The following COL22A1 variants were observed in gnomAD, a reference collection of about 807,000 sequenced individuals.
COL22A1 encodes the protein collagen alpha-1(XXII) chain.
Under a neutral mutation model 248.9 loss-of-function variants are expected in COL22A1, and 221 were observed. The observed-to-expected ratio is 0.89, with a 90% CI of 0.80 to 0.99. The LOEUF is 0.99. Among genes scored for constraint, COL22A1 ranks in the 50% least tolerant of loss-of-function variants. The probability of loss-of-function intolerance (pLI) is 0.00; values close to 1 mark genes in which losing one functional copy is unlikely to be tolerated. For missense variants in COL22A1, 2,240 were observed against 2,179.0 expected (o/e 1.03, Z -0.56); for synonymous variants, 891 against 793.4 (o/e 1.12, Z -2.07).
chr8:138,661,053 C>CAT (rs1564159257), intron 43 of COL22A1, among the ~76,000 whole-genome samples: 5 of 146,072 alleles, frequency 3.4e-5, no homozygotes, highest in African/African-American at 5.1e-5. Context: ...CACACACACA[C>CAT]GCACACACAC....
intron 22 of COL22A1, among the ~76,000 whole-genome samples, chr8:138,750,884 G>T (rs1021292023): frequency 1.3e-5 from 2 of 152,186 alleles, no homozygotes; most frequent in African/African-American, 4.8e-5. Flanking sequence ...GGGGATAGGG[G>T]TACAACCCAA....
At chr8:138,752,090 C>T (rs907501351) in intron 21 of COL22A1, among the ~76,000 whole-genome samples, 4 of 152,190 alleles carry the variant, frequency 2.6e-5, no homozygotes, top group African/African-American at 9.7e-5. Context: ...TCACTTGGTG[C>T]CGTTAAACCT....
chr8:138,788,026 G>C (rs73362873), intron 12 of COL22A1, among the ~76,000 whole-genome samples: 77 of 152,332 alleles, frequency 5.1e-4, no homozygotes, highest in African/African-American at 1.7e-3. Flanking sequence ...TGCATTGCTA[G>C]AGGTGCTGTT....
At chr8:138,621,302 C>T (rs1160082481) in intron 52 of COL22A1, among the ~76,000 whole-genome samples, 1 of 152,152 alleles carries the variant, frequency 6.6e-6, no homozygotes, top group Non-Finnish European at 1.5e-5. Flanking sequence ...GAAGTCAATG[C>T]CTCCAGAAGC....
At chr8:138,781,404 G>C (rs958517433) in intron 12 of COL22A1, among the ~76,000 whole-genome samples, 1 of 152,184 alleles carries the variant, frequency 6.6e-6, no homozygotes, top group African/African-American at 2.4e-5. Context: ...GGGCTGAGCT[G>C]TGCACTGTAG....
intron 2 of COL22A1, among the ~76,000 whole-genome samples, chr8:138,879,859 A>C (rs939991595): frequency 1.3e-5 from 2 of 151,888 alleles, no homozygotes; most frequent in East Asian, 1.9e-4. Flanking sequence ...AAACAAAACA[A>C]AAAAACACTT....
intron 45 of COL22A1, among the ~76,000 whole-genome samples, chr8:138,655,577 G>C (rs114734721): frequency 0.015 from 2,342 of 152,186 alleles, 57 homozygotes; most frequent in African/African-American, 0.054. Context: ...ATGTTGCCCA[G>C]GTTGGTCTTA....
chr8:138,657,681 G>C (rs1013984679), intron 44 of COL22A1, among the ~76,000 whole-genome samples: 1 of 152,180 alleles, frequency 6.6e-6, no homozygotes, highest in Admixed American at 6.5e-5. Context: ...CCTTCTATGA[G>C]TCAGTCACTC....
At chr8:138,805,994 G>GCA (rs2131657988) in intron 10 of COL22A1, among the ~76,000 whole-genome samples, 1 of 128,624 alleles carries the variant, frequency 7.8e-6, no homozygotes, top group East Asian at 2.1e-4. Context: ...GTGTGTGATG[G>GCA]TGTGTGTGTG....
At chr8:138,600,075 C>T (rs1008731627) in intron 60 of COL22A1, among the ~76,000 whole-genome samples, 3 of 152,204 alleles carry the variant, frequency 2.0e-5, no homozygotes, top group African/African-American at 7.2e-5. Context: ...TCCAACACTG[C>T]CTAGGGCTCA....
intron 5 of COL22A1, chr8:138,827,383 C>G (rs1819674632): frequency 6.4e-6 from 1 of 155,464 alleles, no homozygotes; most frequent in Non-Finnish European, 1.4e-5. Flanking sequence ...TTGTTTACCC[C>G]TCCCACCATG....
At chr8:138,805,485 A>ATGGTGTG (rs1554631676) in intron 10 of COL22A1, among the ~76,000 whole-genome samples, 1 of 111,006 alleles carries the variant, frequency 9.0e-6, no homozygotes, top group African/African-American at 3.8e-5. Context: ...ATGGGATGGC[A>ATGGTGTG]TGTGATGGTG....
chr8:138,752,579 G>A (rs113734934), intron 21 of COL22A1, among the ~76,000 whole-genome samples: 1 of 152,290 alleles, frequency 6.6e-6, no homozygotes, highest in Non-Finnish European at 1.5e-5. Context: ...ATTTTTAAGC[G>A]TCAAGAAATA....
chr8:138,691,723 T>C (rs1229892450), intron 35 of COL22A1, among the ~76,000 whole-genome samples: 61 of 18,504 alleles, frequency 3.3e-3, no homozygotes, highest in East Asian at 9.0e-3. Flanking sequence ...TTTATGTGTG[T>C]ACATGTGAGT....
chr8:138,902,787 A>C (rs1015185973), intron 1 of COL22A1, among the ~76,000 whole-genome samples: 18 of 95,690 alleles, frequency 1.9e-4, no homozygotes, highest in African/African-American at 7.6e-4. Context: ...CACACACACT[A>C]GAACTGACTG....
intron 8 of COL22A1, among the ~76,000 whole-genome samples, chr8:138,812,646 C>T (rs969625545): frequency 6.6e-6 from 1 of 152,090 alleles, no homozygotes; most frequent in African/African-American, 2.4e-5. Flanking sequence ...CAGTCATCCC[C>T]TCATTAGAAA....
intron 52 of COL22A1, among the ~76,000 whole-genome samples, chr8:138,623,115 G>C (rs947139178): frequency 4.0e-5 from 6 of 151,748 alleles, no homozygotes; most frequent in Non-Finnish European, 7.4e-5. Flanking sequence ...GGACCACCAA[G>C]ACATTCTCAC....
chr8:138,741,797 G>A (rs1030468919), intron 22 of COL22A1, among the ~76,000 whole-genome samples: 1 of 152,240 alleles, frequency 6.6e-6, no homozygotes, highest in African/African-American at 2.4e-5. Flanking sequence ...TAGTGGTTAT[G>A]GTGATGACAA....
intron 16 of COL22A1, among the ~76,000 whole-genome samples, chr8:138,772,084 G>A (rs1469003329): frequency 6.6e-6 from 1 of 152,178 alleles, no homozygotes; most frequent in Non-Finnish European, 1.5e-5. Context: ...CTAACCCTGA[G>A]CGTGGAGTAC....
Sources: gnomAD v4.1 joint callset for allele counts (sites outside exome capture counted in the v4.1 genomes callset) on GRCh38, gnomAD v4.1.1 for gene constraint, MANE v1.5 for transcripts, NCBI Gene and HGNC (gene_info 2026-07-23, HGNC 2026-07-21) for gene names.